DDX10: variants seen among roughly 807,000 people sequenced by gnomAD.
DDX10 encodes the protein DEAD-box helicase 10.
In DDX10, 74 loss-of-function variants were observed where a neutral mutation model predicts 104.3. That is an observed-to-expected ratio of 0.71 (90% confidence interval 0.59 to 0.86). The LOEUF is 0.86. DDX10 is among the 40% of genes least tolerant of loss of function. DDX10 has a pLI of 0.00. For missense variants in DDX10, 952 were observed against 1,040.0 expected (o/e 0.92, Z 1.16); for synonymous variants, 351 against 353.4 (o/e 0.99, Z 0.08).
intron 13 of DDX10, among the ~76,000 whole-genome samples, chr11:108,751,983 C>G (rs190581749): frequency 6.6e-6 from 1 of 152,124 alleles, no homozygotes; most frequent in Non-Finnish European, 1.5e-5. Flanking sequence ...AGCTAGAGTT[C>G]TCTCCACCAT....
intron 13 of DDX10, among the ~76,000 whole-genome samples, chr11:108,736,800 T>C (rs1156241228): frequency 1.3e-5 from 2 of 152,184 alleles, no homozygotes; most frequent in African/African-American, 2.4e-5. Context: ...TCCAGAACTT[T>C]GAAAAATTTC....
intron 13 of DDX10, among the ~76,000 whole-genome samples, chr11:108,807,566 A>G (rs1262337408): frequency 6.6e-6 from 1 of 152,240 alleles, no homozygotes; most frequent in Non-Finnish European, 1.5e-5. Context: ...ATAGATGTCT[A>G]ATAAATATGT....
intron 4 of DDX10, among the ~76,000 whole-genome samples, chr11:108,677,674 G>GCT (rs1322854737): frequency 6.7e-6 from 1 of 149,144 alleles, no homozygotes; most frequent in African/African-American, 2.5e-5. Context: ...AAGACCTGCT[G>GCT]CTCACTTTTG....
chr11:108,671,158 G>A (rs1257853161), intron 1 of DDX10, among the ~76,000 whole-genome samples: 1 of 152,130 alleles, frequency 6.6e-6, no homozygotes, highest in Non-Finnish European at 1.5e-5. Context: ...AGGGATAAAG[G>A]GAAGGAGAAA....
intron 17 of DDX10, among the ~76,000 whole-genome samples, chr11:108,936,119 TG>T (rs1864034091): frequency 6.6e-6 from 1 of 152,196 alleles, no homozygotes; most frequent in African/African-American, 2.4e-5. Context: ...CCCATACATC[TG>T]TAGACACAGG....
intron 16 of DDX10, among the ~76,000 whole-genome samples, chr11:108,870,010 T>C (rs146151582): frequency 2.6e-3 from 392 of 152,236 alleles, no homozygotes; most frequent in African/African-American, 8.7e-3. Flanking sequence ...TAGTTAATAG[T>C]AATATACCAG....
At chr11:108,799,821 A>G (rs1048985006) in intron 13 of DDX10, among the ~76,000 whole-genome samples, 4 of 152,216 alleles carry the variant, frequency 2.6e-5, no homozygotes, top group Non-Finnish European at 5.9e-5. Context: ...CCATGCCTGA[A>G]ACAGAGTTGA....
At chr11:108,866,591 G>C (rs944732329) in intron 16 of DDX10, among the ~76,000 whole-genome samples, 2 of 152,120 alleles carry the variant, frequency 1.3e-5, no homozygotes, top group Non-Finnish European at 2.9e-5. Flanking sequence ...TCACCCTAAG[G>C]TTTCCAAAAC....
chr11:108,713,907 GTC>G (rs1205376296), intron 10 of DDX10, among the ~76,000 whole-genome samples: 1 of 152,088 alleles, frequency 6.6e-6, no homozygotes, highest in East Asian at 1.9e-4. Flanking sequence ...ATTCTTTTCA[GTC>G]TCTGCCTTCC....
At chr11:108,930,451 A>G (rs930776080) in intron 17 of DDX10, among the ~76,000 whole-genome samples, 3 of 152,212 alleles carry the variant, frequency 2.0e-5, no homozygotes, top group African/African-American at 4.8e-5. Context: ...AGCTGCTATA[A>G]ATATTCATGA....
At chr11:108,671,208 G>A (rs1163022135) in intron 1 of DDX10, among the ~76,000 whole-genome samples, 2 of 152,236 alleles carry the variant, frequency 1.3e-5, no homozygotes, top group Admixed American at 1.3e-4. Context: ...CTGTTGCCCA[G>A]GCTGGAGTGC....
At chr11:108,697,224 C>CT (rs5794600) in intron 9 of DDX10, among the ~76,000 whole-genome samples, 20 of 121,466 alleles carry the variant, frequency 1.6e-4, no homozygotes, top group African/African-American at 5.2e-4. Flanking sequence ...ATATATAATG[C>CT]TTTTTTTTTT....
At chr11:108,688,234 G>C (rs1016150687) in intron 6 of DDX10, among the ~76,000 whole-genome samples, 1 of 152,058 alleles carries the variant, frequency 6.6e-6, no homozygotes, top group Admixed American at 6.6e-5. Flanking sequence ...AATAAAGTAG[G>C]TTTATTAATT....
chr11:108,786,562 A>T (rs894084565), intron 13 of DDX10, among the ~76,000 whole-genome samples: 17 of 152,242 alleles, frequency 1.1e-4, no homozygotes, highest in East Asian at 1.9e-4. Context: ...TATGTTTAGG[A>T]TAGTTAAGTC....
intron 13 of DDX10, among the ~76,000 whole-genome samples, chr11:108,828,950 C>T (rs1286699963): frequency 1.3e-5 from 2 of 152,196 alleles, no homozygotes. Context: ...AGGCATGAGC[C>T]ACTGTGCCTG....
rs570195359 is a variant in DDX10 at position 108,785,220 on chromosome 11, A to C, written c.1966-53226A>C. On this transcript the variant is annotated intron_variant, in intron 13 of 17. Coordinates refer to ENST00000322536, the MANE Select transcript of DDX10 (RefSeq NM_004398.4). Reference sequence around the variant, plus strand: ...TGCTTTTGATTCTGTTTACATGGCGAATCACATTTATTGATTTGTGTATGT... The same window carrying C: ...TGCTTTTGATTCTGTTTACATGGCGCATCACATTTATTGATTTGTGTATGT... Among the ~76,000 whole-genome samples, 26 of 152,298 alleles carry C rather than the reference A, an allele frequency of 1.7e-4. No homozygotes were observed. In the South Asian group the frequency reaches 5.2e-3, roughly 30 times the overall value.
chr11:108,809,110 A>G (rs577629070), intron 13 of DDX10, among the ~76,000 whole-genome samples: 1 of 152,222 alleles, frequency 6.6e-6, no homozygotes, highest in East Asian at 1.9e-4. Context: ...TGGTTGATCT[A>G]TTAAAACAAT....
At chr11:108,696,120 G>A (rs898637069) in intron 9 of DDX10, among the ~76,000 whole-genome samples, 3 of 152,082 alleles carry the variant, frequency 2.0e-5, no homozygotes, top group Non-Finnish European at 2.9e-5. Flanking sequence ...ATTTTTATGA[G>A]GGGGTAGATG....
chr11:108,834,200 C>T (rs931836044), intron 13 of DDX10, among the ~76,000 whole-genome samples: 2 of 151,494 alleles, frequency 1.3e-5, no homozygotes, highest in African/African-American at 4.9e-5. Flanking sequence ...AACTCCTGGG[C>T]CCAAGAGATT....
Sources: gnomAD v4.1 joint callset for allele counts (sites outside exome capture counted in the v4.1 genomes callset) on GRCh38, gnomAD v4.1.1 for gene constraint, MANE v1.5 for transcripts, NCBI Gene and HGNC (gene_info 2026-07-23, HGNC 2026-07-21) for gene names.